The following TRPV3 variants were observed in gnomAD, a reference collection of about 807,000 sequenced individuals.
The protein encoded by TRPV3 is VRL-3.
A neutral mutation model predicts 87.1 loss-of-function variants in TRPV3; 88 were observed. That is an observed-to-expected ratio of 1.01 (90% confidence interval 0.85 to 1.21). TRPV3 has a LOEUF of 1.21. TRPV3 is among the 50% of genes most tolerant of loss of function. The pLI is 0.00. For missense variants in TRPV3, 1,054 were observed against 1,030.1 expected (o/e 1.02, Z -0.32); for synonymous variants, 438 against 423.3 (o/e 1.03, Z -0.43).
chr17:3,535,754 G>A, intron 6 of TRPV3, 41 bp from the exon 7 acceptor site: 8 of 1,423,124 alleles, frequency 5.6e-6, no homozygotes, highest in Non-Finnish European at 7.3e-6. Context: ...TCAGCGCCGG[G>A]CACAGGGGCC....
chr17:3,551,200 T>A (rs2074570659), intron 2 of TRPV3, among the ~76,000 whole-genome samples: 1 of 152,240 alleles, frequency 6.6e-6, no homozygotes, highest in Non-Finnish European at 1.5e-5. Context: ...GCTCTTGGCA[T>A]CTGGAGCACC....
Position 3,530,224 on chromosome 17 carries a change from A to G in TRPV3, c.1066-21T>C, listed in dbSNP as rs779787148. ...AGGATCTGGGACAGGAGGAGGAACA[A>G]CCATCAGCTGCAGAACAGGGGCTTA... On this transcript the variant is annotated intron_variant, in intron 8 of 17. Transcript: ENST00000576742. The surrounding 1 kb of genome is among the most constrained non-coding windows in gnomAD (Gnocchi z 4.0). 1.2e-6 allele frequency: 2 copies of G among 1,601,440 alleles called. No individual in the cohort carries two copies. The highest frequency in any genetic ancestry group is 3.4e-5 in the Admixed American group (2 of 59,392).
intron 3 of TRPV3, 75 bp downstream of exon 3, chr17:3,545,092 G>T: frequency 9.7e-7 from 1 of 1,032,662 alleles, no homozygotes; most frequent in Non-Finnish European, 1.5e-6. Context: ...CCGTGACCCA[G>T]GGCAAGTCAC....
intron 2 of TRPV3, chr17:3,546,567 C>T: frequency 9.1e-6 from 4 of 439,972 alleles, no homozygotes; most frequent in Non-Finnish European, 1.8e-5. Flanking sequence ...TGTCAATTAG[C>T]TGCTAATTTA....
intron 5 of TRPV3, 87 bp downstream of exon 5, chr17:3,543,387 A>T (rs1393867259): frequency 3.3e-6 from 5 of 1,536,056 alleles, no homozygotes; most frequent in Non-Finnish European, 4.4e-6. Flanking sequence ...CTCCAGCCTC[A>T]TGGGTTGGTG....
Position 3,544,564 on chromosome 17 carries a change from G to A in TRPV3, c.311+15C>T, listed in dbSNP as rs1256955246. On this transcript the variant is annotated intron_variant, in intron 4 of 17. Coordinates refer to ENST00000576742, the MANE Select transcript of TRPV3 (RefSeq NM_145068.4). ...TGGGTGGGCACAGTGGGTGGAGGGG[G>A]AGGGGCAGACTTACCTGGGGCTGTT... is the stretch of plus-strand genomic sequence containing the variant. 6.4e-7 allele frequency: 1 copy of A among 1,558,050 alleles called. No individual in the cohort carries two copies. Among genetic ancestry groups the A allele is most frequent in the Non-Finnish European group, 8.8e-7 (1 of 1,140,678 alleles).
chr17:3,546,514 T>G (rs62069871), intron 2 of TRPV3: 111,935 of 357,264 alleles, frequency 0.31, 18,712 homozygotes, highest in Non-Finnish European at 0.37. Flanking sequence ...CTCAGTGGGG[T>G]CGGGTGAGGG....
intron 6 of TRPV3, among the ~76,000 whole-genome samples, chr17:3,538,590 AAT>A (rs940771130): frequency 5.2e-4 from 71 of 136,438 alleles, no homozygotes; most frequent in Admixed American, 4.0e-3. Context: ...TTTAAAAAAA[AAT>A]TTTTTTTTTT....
At chr17:3,544,513 A>G (rs2074503473) in intron 4 of TRPV3, 66 bp downstream of exon 4, 1 of 1,032,832 alleles carries the variant, frequency 9.7e-7, no homozygotes, top group African/African-American at 1.6e-5. Context: ...AGGGCCCCGG[A>G]TCCTGTCTCT....
chr17:3,513,879 C>T lies in TRPV3; in HGVS notation c.*38G>A. 4 of 1,556,088 alleles carry T rather than the reference C, an allele frequency of 2.6e-6. No individual in the cohort carries two copies. The highest frequency in any genetic ancestry group is 3.4e-4 in the Middle Eastern group (2 of 5,906). ...GAGTCGGTGACTCCGCCTGCAGCGC[C>T]AGACAGCGCACGCGCACACCAGCTC... On this transcript the variant is annotated 3_prime_UTR_variant, in exon 18 of 18. Coordinates refer to ENST00000576742, the MANE Select transcript of TRPV3 (RefSeq NM_145068.4).
chr17:3,556,133 T>C lies in TRPV3; in HGVS notation c.-2-1281A>G, dbSNP rs953291475. ...CAGAGGTTGGATTGAGCCGAGATTG[T>C]GCCACTGCACTCCAGCCTGGGCGAC... On this transcript the variant is annotated intron_variant, in intron 1 of 17. Transcript: ENST00000576742. The surrounding 1 kb of genome is among the most constrained non-coding windows in gnomAD (Gnocchi z 4.2). 1.3e-5 allele frequency among the ~76,000 whole-genome samples: 2 copies of C among 150,086 alleles called. No individual in the cohort carries two copies. Among genetic ancestry groups the C allele is most frequent in the Admixed American group, 1.3e-4 (2 of 14,932 alleles).
chr17:3,523,760 C>T (rs1376955481), intron 13 of TRPV3, among the ~76,000 whole-genome samples: 4 of 150,354 alleles, frequency 2.7e-5, no homozygotes, highest in Non-Finnish European at 5.9e-5. Flanking sequence ...TGAGACTCAA[C>T]TGGCTATGTG....
Position 3,524,256 on chromosome 17 carries a change from A to C in TRPV3, c.1685T>G (p.Met562Arg). ...CTGGAAACCCCGCGTATAGTAGAGC[A>C]TGTTCGCCCAGCCCAGGGCCATGGC... is the stretch of plus-strand genomic sequence containing the variant. ...VLAMALGWAN[M>R]LYYTRGFQSM... Residue 562 changes from methionine (M) to arginine (R), a missense_variant, in exon 13 of 18, where the codon ATG becomes AGG. Met to Arg is a moderately conservative substitution (Grantham distance 91). Transcript: ENST00000576742. 6.2e-7 allele frequency: 1 copy of C among 1,614,250 alleles called. No homozygotes were observed. Among genetic ancestry groups the C allele is most frequent in the Non-Finnish European group, 8.5e-7 (1 of 1,180,040 alleles).
At chr17:3,532,503 G>A (rs955884589) in intron 8 of TRPV3, among the ~76,000 whole-genome samples, 154 bp downstream of exon 8, 2 of 152,196 alleles carry the variant, frequency 1.3e-5, no homozygotes, top group Non-Finnish European at 2.9e-5. Context: ...GCCTCCGGCC[G>A]CCACGCCACT....
At chr17:3,535,847 G>A (rs2074404831) in intron 6 of TRPV3, 134 bp from the exon 7 acceptor site, 2 of 1,116,516 alleles carry the variant, frequency 1.8e-6, no homozygotes, top group African/African-American at 1.6e-5. Flanking sequence ...CAGCTACCAG[G>A]AATCCCAGCT....
chr17:3,524,252 G>C lies in TRPV3; in HGVS notation c.1689C>G (p.Leu563=). The part of the protein sequence containing the change: ...LAMALGWANM[L]YYTRGFQSMG... ...TGGACTGGAAACCCCGCGTATAGTA[G>C]AGCATGTTCGCCCAGCCCAGGGCCA... Residue 563 remains leucine (L), a synonymous_variant, in exon 13 of 18, where the codon CTC becomes CTG. Coordinates refer to ENST00000576742, the MANE Select transcript of TRPV3 (RefSeq NM_145068.4). 2 of 1,614,260 alleles carry C rather than the reference G, an allele frequency of 1.2e-6. No individual in the cohort carries two copies. Among genetic ancestry groups the C allele is most frequent in the South Asian group, 1.1e-5 (1 of 91,090 alleles).
In TRPV3 at chr17:3,526,918, T is replaced by C. The variant is rs1380994587; in HGVS notation, c.1513A>G (p.Ile505Val). 3.1e-6 allele frequency: 5 copies of C among 1,611,440 alleles called. No individual in the cohort carries two copies. The highest frequency in any genetic ancestry group is 2.2e-5 in the South Asian group (2 of 90,232). Residue 505 changes from isoleucine (I) to valine (V), a missense_variant, in exon 12 of 18, where the codon ATC becomes GTC. Coordinates refer to ENST00000576742, the MANE Select transcript of TRPV3 (RefSeq NM_145068.4). ...AGATCCGAGGGTCTCAGCAGGAAGATGGCAATGCCCTAAGGCCAGGAAGGA... is the reference window on the plus strand; with the variant it reads ...AGATCCGAGGGTCTCAGCAGGAAGACGGCAATGCCCTAAGGCCAGGAAGGA... ...MCISVKEGIA[I>V]FLLRPSDLQS...
chr17:3,516,300 A>G (rs1442104848), intron 16 of TRPV3, among the ~76,000 whole-genome samples, 157 bp downstream of exon 16: 2 of 152,014 alleles, frequency 1.3e-5, no homozygotes, highest in African/African-American at 2.4e-5. Context: ...GCAACCCCAT[A>G]AGCAAATTCC....
intron 13 of TRPV3, among the ~76,000 whole-genome samples, chr17:3,522,865 C>G (rs1319416635): frequency 6.6e-6 from 1 of 150,528 alleles, no homozygotes; most frequent in Non-Finnish European, 1.5e-5. Context: ...ACTCAACTGG[C>G]TAAGTGGAAT....
Sources: allele counts gnomAD v4.1 joint callset (sites outside exome capture counted in the v4.1 genomes callset), GRCh38; gene constraint gnomAD v4.1.1; non-coding constraint Gnocchi (gnomAD v3.1); transcripts MANE v1.5; gene names NCBI Gene and HGNC (gene_info 2026-07-23, HGNC 2026-07-21).